Variants in KRTAP10-7 observed in about 807,000 individuals in gnomAD.
KRTAP10-7 encodes keratin associated protein 10-7.
For synonymous variants in KRTAP10-7, 162 were observed against 199.6 expected (o/e 0.81, Z 1.59); for missense variants, 394 against 474.3 (o/e 0.83, Z 1.57).
chr21:44,601,694 C>T lies in KRTAP10-7; in HGVS notation c.1073C>T (p.Ala358Val), dbSNP rs782544564. 3.1e-6 allele frequency: 5 copies of T among 1,612,166 alleles called. No homozygotes were observed. The African/African-American group carries it at 5.3e-5, about 17-fold the overall frequency. ...TGCCGCCCCGCATGCTCCCGCCCGGCCTGCTGTGGCCCCACCTCAACCCAG... is the reference window on the plus strand; with the variant it reads ...TGCCGCCCCGCATGCTCCCGCCCGGTCTGCTGTGGCCCCACCTCAACCCAG... ...LLCRPACSRP[A>V]CCGPTSTQKS... Residue 358 changes from alanine (A) to valine (V), a missense_variant, in exon 1 of 1, where the codon GCC becomes GTC. Coordinates refer to ENST00000609664, the MANE Select transcript of KRTAP10-7 (RefSeq NM_198689.3).
In KRTAP10-7 at chr21:44,600,921, T is replaced by C. The variant is rs371985381; in HGVS notation, c.300T>C (p.Cys100=). ...AGTCTAGCTGCCAGCTGGCTTGCTGTGCCTCCTCCCCCTGCCAGCAGGCCT... is the reference window on the plus strand; with the variant it reads ...AGTCTAGCTGCCAGCTGGCTTGCTGCGCCTCCTCCCCCTGCCAGCAGGCCT... The part of the protein sequence containing the change: ...CQQSSCQLAC[C]ASSPCQQACC... The change falls in exon 1 of 1, where the codon TGT becomes TGC. Residue 100 remains cysteine, a synonymous_variant. Coordinates refer to ENST00000609664, the MANE Select transcript of KRTAP10-7 (RefSeq NM_198689.3). The C allele has an allele frequency of 2.6e-4, 408 of 1,598,612 alleles. No homozygotes were observed. The highest frequency in any genetic ancestry group is 3.4e-4 in the Middle Eastern group (2 of 5,830).
rs373720761 is a variant in KRTAP10-7, at chr21:44,600,846, C to A, written c.225C>A (p.Ser75Arg). ...GCTGCCGAGTGACCTGTGAGCCCAGCCCCTGCCAATCAGGCTGCACCAGCT... is the reference window on the plus strand; with the variant it reads ...GCTGCCGAGTGACCTGTGAGCCCAGACCCTGCCAATCAGGCTGCACCAGCT... The part of the protein sequence containing the change: ...SPCCRVTCEP[S>R]PCQSGCTSSC... Residue 75 changes from serine to arginine, a missense_variant, in exon 1 of 1, where the codon AGC becomes AGA. Coordinates refer to ENST00000609664, the MANE Select transcript of KRTAP10-7 (RefSeq NM_198689.3). 3.1e-6 allele frequency: 5 copies of A among 1,609,218 alleles called. No homozygotes were observed. Among genetic ancestry groups the A allele is most frequent in the Middle Eastern group, 1.9e-4 (1 of 5,312 alleles).
In KRTAP10-7 at chr21:44,601,705, C is replaced by T. The variant is rs1555928899; in HGVS notation, c.1084C>T (p.Pro362Ser). The T allele has an allele frequency of 5.6e-6, 9 of 1,611,896 alleles. No homozygotes were observed. The highest frequency in any genetic ancestry group is 1.3e-5 in the African/African-American group (1 of 74,988). The change falls in exon 1 of 1, where the codon CCC becomes TCC. Residue 362 changes from proline (P) to serine (S), a missense_variant. By Grantham distance (74) the Pro-to-Ser change is moderately conservative. Transcript: ENST00000609664. ...PACSRPACCG[P>S]TSTQKSSC is the part of the protein sequence containing the mutation. ...ATGCTCCCGCCCGGCCTGCTGTGGC[C>T]CCACCTCAACCCAGAAGTCCAGCTG...
chr21:44,601,955 G>A lies in KRTAP10-7; in HGVS notation c.*221G>A, dbSNP rs1026521592. 3 of 697,614 alleles carry A rather than the reference G, an allele frequency of 4.3e-6. No individual in the cohort carries two copies. The highest frequency in any genetic ancestry group is 7.2e-6 in the Non-Finnish European group (3 of 415,992). 43.2% of individuals were successfully genotyped at this position (697,614 alleles called of 1,614,324 possible). A position where few individuals can be genotyped will look rare whatever the true frequency, so the allele number is the denominator to read the frequency against. ...ACCCAGCCCTGCTTCCCCAGCAACAGGTGGGCAGTGACCCCAGCAAGGCCA... is the reference window on the plus strand; with the variant it reads ...ACCCAGCCCTGCTTCCCCAGCAACAAGTGGGCAGTGACCCCAGCAAGGCCA... On this transcript the variant is annotated 3_prime_UTR_variant, in exon 1 of 1. Coordinates refer to ENST00000609664, the MANE Select transcript of KRTAP10-7 (RefSeq NM_198689.3).
chr21:44,601,806 C>T lies in KRTAP10-7; in HGVS notation c.*72C>T, dbSNP rs989776404. 2.2e-5 allele frequency: 34 copies of T among 1,548,336 alleles called. No homozygotes were observed. The highest frequency in any genetic ancestry group is 1.1e-4 in the African/African-American group (8 of 73,526). ...GCACCCCTGGATTCTTTACCCTTGA[C>T]GGCTCTCCACATCCCGCTCCTAAGC... is the stretch of plus-strand genomic sequence containing the variant. On this transcript the variant is annotated 3_prime_UTR_variant, in exon 1 of 1. Transcript: ENST00000609664.
At position 44,601,744 on chromosome 21, in the gene KRTAP10-7, T is replaced by C; in HGVS notation, c.*10T>C. Reference sequence around the variant, plus strand: ...GAAGTCCAGCTGCTGAGTGATCTCCTTAAGATCATCCAAAGCCTGAGTGCT... The same window carrying C: ...GAAGTCCAGCTGCTGAGTGATCTCCCTAAGATCATCCAAAGCCTGAGTGCT... On this transcript the variant is annotated 3_prime_UTR_variant, in exon 1 of 1. Coordinates refer to ENST00000609664, the MANE Select transcript of KRTAP10-7 (RefSeq NM_198689.3). 6.2e-7 allele frequency: 1 copy of C among 1,602,838 alleles called. No individual in the cohort carries two copies. The highest frequency in any genetic ancestry group is 8.5e-7 in the Non-Finnish European group (1 of 1,173,180).
rs782580098 is a variant in KRTAP10-7, at chr21:44,601,567, G to A, written c.946G>A (p.Val316Met). ...CTCCGTGTCCCTCCTCTGCCGCCCC[G>A]TGTGCAGGCCCGCCTGCTGCGTGCC... ...SSSVSLLCRP[V>M]CRPACCVPVP... The change falls in exon 1 of 1, where the codon GTG becomes ATG. Residue 316 changes from valine to methionine, a missense_variant. Transcript: ENST00000609664. 1.3e-5 allele frequency: 21 copies of A among 1,612,900 alleles called. No individual in the cohort carries two copies. In the Admixed American group the frequency reaches 2.2e-4, roughly 17 times the overall value.
chr21:44,601,026 C>T lies in KRTAP10-7; in HGVS notation c.405C>T (p.Cys135=), dbSNP rs1354899165. Residue 135 remains cysteine (C), a synonymous_variant, in exon 1 of 1, where the codon TGC becomes TGT. Transcript: ENST00000609664. Reference sequence around the variant, plus strand: ...CTGTCTGCAGTGGGGATTCTTCATGCTGCCAGCAGTCTAGCTGCCAGTCAG... The same window carrying T: ...CTGTCTGCAGTGGGGATTCTTCATGTTGCCAGCAGTCTAGCTGCCAGTCAG... ...CVPVCSGDSS[C]CQQSSCQSAC... 1.2e-6 allele frequency: 2 copies of T among 1,612,188 alleles called. No individual in the cohort carries two copies. The highest frequency in any genetic ancestry group is 1.7e-6 in the Non-Finnish European group (2 of 1,179,880).
In KRTAP10-7 at chr21:44,601,665, C is replaced by T. The variant is rs1980931321; in HGVS notation, c.1044C>T (p.Leu348=). 1 of 1,613,064 alleles carries T rather than the reference C, an allele frequency of 6.2e-7. No individual in the cohort carries two copies. Among genetic ancestry groups the T allele is most frequent in the Non-Finnish European group, 8.5e-7 (1 of 1,179,368 alleles). ...GCCGCCCAGCCTCCTGTGTGTCTCT[C>T]CTTTGCCGCCCCGCATGCTCCCGCC... ...SCCRPASCVS[L]LCRPACSRPA... Residue 348 remains leucine (L), a synonymous_variant, in exon 1 of 1, where the codon CTC becomes CTT. Coordinates refer to ENST00000609664, the MANE Select transcript of KRTAP10-7 (RefSeq NM_198689.3).
chr21:44,601,815 AC>A lies in KRTAP10-7; in HGVS notation c.*82del. The A allele has an allele frequency of 6.5e-7, 1 of 1,536,296 alleles. No individual in the cohort carries two copies. The highest frequency in any genetic ancestry group is 8.8e-7 in the Non-Finnish European group (1 of 1,138,550). On this transcript the variant is annotated 3_prime_UTR_variant, in exon 1 of 1. Transcript: ENST00000609664. ...GATTCTTTACCCTTGACGGCTCTCC[AC>A]ATCCCGCTCCTAAGCCCTGCAGTGG...
At position 44,600,894 on chromosome 21, in the gene KRTAP10-7, G is replaced by A. The variant is rs587717338; in HGVS notation, c.273G>A (p.Gln91=). 2 of 1,612,024 alleles carry A rather than the reference G, an allele frequency of 1.2e-6. No homozygotes were observed. The highest frequency in any genetic ancestry group is 1.7e-6 in the Non-Finnish European group (2 of 1,179,878). ...GCTCCTGCACGCCCTCGTGCTGCCA[G>A]CAGTCTAGCTGCCAGCTGGCTTGCT... ...CTSSCTPSCC[Q]QSSCQLACCA... The change falls in exon 1 of 1, where the codon CAG becomes CAA. Residue 91 remains glutamine (Q), a synonymous_variant. Transcript: ENST00000609664.
rs1980960676 is a variant in KRTAP10-7, at chr21:44,601,925, C to A, written c.*191C>A. The A allele has an allele frequency of 3.5e-6, 3 of 850,078 alleles. No homozygotes were observed. The highest frequency in any genetic ancestry group is 1.7e-5 in the African/African-American group (1 of 58,286). The allele number at this position is 850,078 out of a possible 1,614,324, so 52.7% of individuals were successfully genotyped here. A position where few individuals can be genotyped will look rare whatever the true frequency, so the allele number is the denominator to read the frequency against. ...GTTTCTCCAAGTCTTGACTTTCCCC[C>A]AATTACCCAGCCCTGCTTCCCCAGC... On this transcript the variant is annotated 3_prime_UTR_variant, in exon 1 of 1. Transcript: ENST00000609664.
Position 44,601,809 on chromosome 21 carries a change from C to G in KRTAP10-7, c.*75C>G. 6.5e-7 allele frequency: 1 copy of G among 1,543,964 alleles called. No individual in the cohort carries two copies. On this transcript the variant is annotated 3_prime_UTR_variant, in exon 1 of 1. Coordinates refer to ENST00000609664, the MANE Select transcript of KRTAP10-7 (RefSeq NM_198689.3). ...CCCCTGGATTCTTTACCCTTGACGG[C>G]TCTCCACATCCCGCTCCTAAGCCCT...
rs372326787 is a variant in KRTAP10-7 at position 44,600,629 on chromosome 21, C to G, written c.8C>G (p.Ala3Gly). Residue 3 changes from alanine to glycine, a missense_variant, in exon 1 of 1, where the codon GCG becomes GGG. Ala to Gly is a moderately conservative substitution (Grantham distance 60). Transcript: ENST00000609664. MA[A>G]STMSVCSSDL... ...TCCAGTTCAATCCCCAGCATGGCTG[C>G]GTCCACTATGTCTGTCTGCTCCAGC... 1.9e-6 allele frequency: 3 copies of G among 1,612,672 alleles called. No homozygotes were observed. The highest frequency in any genetic ancestry group is 1.7e-6 in the Non-Finnish European group (2 of 1,179,274).
rs1555928951 is a variant in KRTAP10-7, at chr21:44,601,907, C to A, written c.*173C>A. 3 of 952,374 alleles carry A rather than the reference C, an allele frequency of 3.2e-6. No homozygotes were observed. Among genetic ancestry groups the A allele is most frequent in the African/African-American group, 1.7e-5 (1 of 60,278 alleles). The allele number at this position is 952,374 out of a possible 1,614,324, so 59.0% of individuals were successfully genotyped here. A position where few individuals can be genotyped will look rare whatever the true frequency, so the allele number is the denominator to read the frequency against. The stretch of plus-strand genomic sequence containing the variant: ...CCTAGAAGCAGCTCAGCTGTTTCTC[C>A]AAGTCTTGACTTTCCCCCAATTACC... On this transcript the variant is annotated 3_prime_UTR_variant, in exon 1 of 1. Coordinates refer to ENST00000609664, the MANE Select transcript of KRTAP10-7 (RefSeq NM_198689.3).
In KRTAP10-7 at chr21:44,601,227, C is replaced by T; in HGVS notation, c.606C>T (p.Ser202=). 2.5e-6 allele frequency: 4 copies of T among 1,605,686 alleles called. No individual in the cohort carries two copies. The highest frequency in any genetic ancestry group is 3.4e-6 in the Non-Finnish European group (4 of 1,177,738). Residue 202 remains serine (S), a synonymous_variant, in exon 1 of 1, where the codon AGC becomes AGT. Coordinates refer to ENST00000609664, the MANE Select transcript of KRTAP10-7 (RefSeq NM_198689.3). ...EPSPCQSGCI[S]SCTPSCCQQS... ...GCCCCTGCCAATCAGGCTGCATCAG[C>T]TCCTGCACGCCCTCGTGCTGCCAGC... is the stretch of plus-strand genomic sequence containing the variant.
chr21:44,600,778 C>A lies in KRTAP10-7; in HGVS notation c.157C>A (p.Leu53Met). The A allele has an allele frequency of 6.3e-7, 1 of 1,588,322 alleles. No homozygotes were observed. Among genetic ancestry groups the A allele is most frequent in the Non-Finnish European group, 8.5e-7 (1 of 1,172,738 alleles). Residue 53 changes from leucine to methionine, a missense_variant, in exon 1 of 1, where the codon CTG becomes ATG. Leu to Met is a conservative substitution (Grantham distance 15, BLOSUM62 2). Transcript: ENST00000609664. ...EPPCCAPAPC[L>M]SLVCTPVSYV... ...CCCCTGCTGCGCCCCGGCCCCCTGC[C>A]TGAGCCTGGTCTGCACCCCAGTGAG...
chr21:44,601,801 C>A lies in KRTAP10-7; in HGVS notation c.*67C>A. 3 of 1,553,376 alleles carry A rather than the reference C, an allele frequency of 1.9e-6. No individual in the cohort carries two copies. Among genetic ancestry groups the A allele is most frequent in the Non-Finnish European group, 2.6e-6 (3 of 1,147,846 alleles). Reference sequence around the variant, plus strand: ...CACCTGCACCCCTGGATTCTTTACCCTTGACGGCTCTCCACATCCCGCTCC... The same window carrying A: ...CACCTGCACCCCTGGATTCTTTACCATTGACGGCTCTCCACATCCCGCTCC... On this transcript the variant is annotated 3_prime_UTR_variant, in exon 1 of 1. Transcript: ENST00000609664.
the KRTAP10-7 span, chr21:44,600,827 G>GTGACCTGTGAGCCCAGCCCCTGCCGCCC: frequency 1.3e-6 from 2 of 1,489,024 alleles, 1 homozygote; most frequent in African/African-American, 3.8e-5. Context: ...CCCTGCTGCC[G>GTGACCTGTGAGCCCAGCCCCTGCCGCCC]AGTGACCTGT....
Sources: allele counts gnomAD v4.1 joint callset, GRCh38; gene constraint gnomAD v4.1.1; transcripts MANE v1.5; gene names NCBI Gene and HGNC (gene_info 2026-07-23, HGNC 2026-07-21).